The following LPP variants were observed in gnomAD, a reference collection of about 807,000 sequenced individuals.
The protein encoded by LPP is LIM domain containing preferred translocation partner in lipoma, also known as lipoma-preferred partner.
Under a neutral mutation model 60.4 loss-of-function variants are expected in LPP, and 38 were observed. That is an observed-to-expected ratio of 0.63 (90% CI 0.49 to 0.83). LPP has a LOEUF of 0.83. Ranked by LOEUF, LPP falls within the 40% of genes least tolerant of loss-of-function variation. LPP has a pLI of 0.00. For missense variants in LPP, 902 were observed against 783.6 expected (o/e 1.15, Z -1.80); for synonymous variants, 328 against 290.8 (o/e 1.13, Z -1.30).
intron 1 of LPP, among the ~76,000 whole-genome samples, chr3:188,207,110 G>A (rs751636656): frequency 4.0e-4 from 61 of 151,218 alleles, no homozygotes; most frequent in Non-Finnish European, 3.2e-4. Flanking sequence ...GAATTCAATT[G>A]CCTCAGGCTA....
At chr3:188,821,265 A>G (rs1313112566) in intron 9 of LPP, among the ~76,000 whole-genome samples, 1 of 150,414 alleles carries the variant, frequency 6.6e-6, no homozygotes, top group Admixed American at 6.7e-5. Flanking sequence ...TCTCAATTAT[A>G]GCTAAATATT....
At chr3:188,601,881 C>A (rs1255996345) in intron 6 of LPP, among the ~76,000 whole-genome samples, 1 of 151,712 alleles carries the variant, frequency 6.6e-6, no homozygotes, top group Non-Finnish European at 1.5e-5. Flanking sequence ...CCAGCCTGGA[C>A]AACACAGTGA....
chr3:188,560,053 G>A (rs1202484988), intron 6 of LPP, among the ~76,000 whole-genome samples: 2 of 152,120 alleles, frequency 1.3e-5, no homozygotes, highest in Non-Finnish European at 2.9e-5. Flanking sequence ...CTCTTTGAAT[G>A]CTAGGAGGAT....
At chr3:188,186,852 G>T (rs530025219) in intron 1 of LPP, among the ~76,000 whole-genome samples, 1 of 152,090 alleles carries the variant, frequency 6.6e-6, no homozygotes, top group East Asian at 1.9e-4. Flanking sequence ...TTTATGATAG[G>T]TAAGGACTAT....
chr3:188,439,587 C>A (rs1355687898), intron 4 of LPP, among the ~76,000 whole-genome samples: 1 of 152,140 alleles, frequency 6.6e-6, no homozygotes, highest in Non-Finnish European at 1.5e-5. Context: ...TTCATGAAGT[C>A]CAGTGGAGTC....
Position 188,797,449 on chromosome 3 carries a change from T to C in LPP, c.1410+37167T>C, listed in dbSNP as rs554296020. On this transcript the variant is annotated intron_variant, in intron 9 of 11. Transcript: ENST00000617246. ...TTTGTTCCTACAGATCAAAATCTCA[T>C]AATCTTCTAGACTTCTAGATACAGA... Among the ~76,000 whole-genome samples, 3 of 152,302 alleles carry C rather than the reference T, an allele frequency of 2.0e-5. No homozygotes were observed. In the South Asian group the frequency reaches 6.2e-4, roughly 32 times the overall value.
intron 4 of LPP, among the ~76,000 whole-genome samples, chr3:188,407,488 A>G (rs891998723): frequency 1.3e-5 from 2 of 152,288 alleles, no homozygotes; most frequent in African/African-American, 2.4e-5. Flanking sequence ...GGATCTTTGG[A>G]TATCCTTTTC....
intron 8 of LPP, among the ~76,000 whole-genome samples, chr3:188,719,637 G>A (rs1368908915): frequency 6.6e-6 from 1 of 152,160 alleles, no homozygotes; most frequent in Non-Finnish European, 1.5e-5. Flanking sequence ...TCTCAGTTTG[G>A]TACTGGTACC....
chr3:188,603,260 GGAGA>G (rs1426921639), intron 6 of LPP, among the ~76,000 whole-genome samples: 2 of 151,086 alleles, frequency 1.3e-5, no homozygotes, highest in Non-Finnish European at 2.9e-5. Context: ...TTTTCTTCTA[GGAGA>G]GAGAAAGATT....
chr3:188,430,328 A>G (rs1476220839), intron 4 of LPP, among the ~76,000 whole-genome samples: 1 of 152,140 alleles, frequency 6.6e-6, no homozygotes, highest in Non-Finnish European at 1.5e-5. Context: ...CCTGGCTTAT[A>G]TTGTACATGG....
At position 188,462,626 on chromosome 3, in the gene LPP, GTGTGTGTGTTAC is replaced by G. The variant is rs1387954272; in HGVS notation, c.194-21964_194-21953del. ...TGTGTGTGTGTGTGTGTGTGTGTGT[GTGTGTGTGTTAC>G]TTTTTTGGGTGTTTATTTTTAATTT... On this transcript the variant is annotated intron_variant, in intron 4 of 11. Transcript: ENST00000617246. 1.1e-3 allele frequency among the ~76,000 whole-genome samples: 122 copies of G among 116,046 alleles called. 2 individuals carry two copies. Among genetic ancestry groups the G allele is most frequent in the Non-Finnish European group, 1.7e-3 (94 of 54,510 alleles). The allele number at this position is 116,046 out of a possible 152,430, so 76.1% of individuals were successfully genotyped here.
intron 1 of LPP, among the ~76,000 whole-genome samples, chr3:188,219,999 G>C (rs189547705): frequency 6.6e-6 from 1 of 152,272 alleles, no homozygotes; most frequent in Non-Finnish European, 1.5e-5. Context: ...CTCAACCACA[G>C]TTAGCTGTGA....
At chr3:188,794,936 G>A (rs1403416804) in intron 9 of LPP, among the ~76,000 whole-genome samples, 1 of 152,152 alleles carries the variant, frequency 6.6e-6, no homozygotes, top group Non-Finnish European at 1.5e-5. Flanking sequence ...AGGAGATCAA[G>A]ACCAACCTGG....
chr3:188,622,022 G>A (rs1056845744), intron 7 of LPP, among the ~76,000 whole-genome samples: 1 of 152,134 alleles, frequency 6.6e-6, no homozygotes, highest in Admixed American at 6.6e-5. Flanking sequence ...ATGGGCACAG[G>A]TGAAAGATGA....
chr3:188,240,917 G>A (rs900679889), intron 2 of LPP, among the ~76,000 whole-genome samples: 1 of 152,166 alleles, frequency 6.6e-6, no homozygotes, highest in African/African-American at 2.4e-5. Context: ...AGGCCAGTTA[G>A]GGAACATTTT....
chr3:188,443,794 A>G (rs1794605560), intron 4 of LPP, among the ~76,000 whole-genome samples: 1 of 152,212 alleles, frequency 6.6e-6, no homozygotes, highest in Non-Finnish European at 1.5e-5. Flanking sequence ...ACCTTAATTT[A>G]TCAATCTCAG....
Position 188,484,705 on chromosome 3 carries a change from G to T in LPP, c.306+1G>T. ...TGATGAAGAGGCTTTCAAAGTACAG[G>T]TAAGAGCTGAAGTTAAAGTCATGTT... On this transcript the variant is annotated splice_donor_variant, in intron 5 of 11. Coordinates refer to ENST00000617246, the MANE Select transcript of LPP (RefSeq NM_001375462.1). LOFTEE classifies it high-confidence loss of function. The T allele has an allele frequency of 6.3e-7, 1 of 1,598,966 alleles. No individual in the cohort carries two copies. Among genetic ancestry groups the T allele is most frequent in the Non-Finnish European group, 8.6e-7 (1 of 1,166,448 alleles).
intron 9 of LPP, among the ~76,000 whole-genome samples, chr3:188,787,688 G>A (rs573779357): frequency 9.9e-5 from 15 of 152,062 alleles, no homozygotes; most frequent in Admixed American, 3.9e-4. Flanking sequence ...TCTTCCTATC[G>A]CTGTACACAA....
At chr3:188,365,491 C>T in intron 3 of LPP, among the ~76,000 whole-genome samples, 1 of 152,140 alleles carries the variant, frequency 6.6e-6, no homozygotes, top group East Asian at 1.9e-4. Flanking sequence ...GCTGGCCAAA[C>T]ATTACATGTC....
Sources: gnomAD v4.1 joint callset for allele counts (sites outside exome capture counted in the v4.1 genomes callset) on GRCh38, gnomAD v4.1.1 for gene constraint, MANE v1.5 for transcripts, NCBI Gene and HGNC (gene_info 2026-07-23, HGNC 2026-07-21) for gene names.